ACAP2: variants seen among roughly 807,000 people sequenced by gnomAD.
The protein encoded by ACAP2 is ArfGAP with coiled-coil, ankyrin repeat and PH domains 2.
In ACAP2, 39 loss-of-function variants were observed where a neutral mutation model predicts 115.8. The observed-to-expected ratio is 0.34, with a 90% confidence interval of 0.26 to 0.44. ACAP2 has a LOEUF of 0.44. ACAP2 is among the 20% of genes least tolerant of loss of function. The probability of loss-of-function intolerance (pLI) is 1.00; values close to 1 mark genes in which losing one functional copy is unlikely to be tolerated. For missense variants in ACAP2, 662 were observed against 927.6 expected (o/e 0.71, Z 3.72); for synonymous variants, 289 against 315.8 (o/e 0.92, Z 0.90).
chr3:195,370,193 G>A (rs1428370793), intron 4 of ACAP2, among the ~76,000 whole-genome samples: 1 of 152,160 alleles, frequency 6.6e-6, no homozygotes, highest in Non-Finnish European at 1.5e-5. Flanking sequence ...TTCTCCCACT[G>A]TAGGTTGTCT....
At chr3:195,424,208 T>C (rs1714423087) in intron 1 of ACAP2, among the ~76,000 whole-genome samples, 2 of 143,176 alleles carry the variant, frequency 1.4e-5, no homozygotes, top group Non-Finnish European at 3.0e-5. Flanking sequence ...ATATATAAAA[T>C]ACTTAGAATG....
rs1284808924 is a variant in ACAP2, at chr3:195,363,306, T to C, written c.285+17703A>G. ...AAATGTTGAAGAGGACACAAATTAA[T>C]GGAGAGACATTCTATGTTCATGAAT... is the stretch of plus-strand genomic sequence containing the variant. On this transcript the variant is annotated intron_variant, in intron 4 of 22. Transcript: ENST00000326793. 2.0e-5 allele frequency among the ~76,000 whole-genome samples: 3 copies of C among 152,286 alleles called. No homozygotes were observed. In the East Asian group the frequency reaches 5.8e-4, roughly 29 times the overall value.
intron 4 of ACAP2, among the ~76,000 whole-genome samples, chr3:195,352,761 A>T (rs1731695259): frequency 6.6e-6 from 1 of 152,186 alleles, no homozygotes; most frequent in Non-Finnish European, 1.5e-5. Context: ...TCATGAAGAA[A>T]GTAACAATGT....
chr3:195,382,761 T>C (rs1271439381), intron 2 of ACAP2, among the ~76,000 whole-genome samples: 1 of 151,734 alleles, frequency 6.6e-6, no homozygotes, highest in Non-Finnish European at 1.5e-5. Context: ...CCCTGAGACC[T>C]AGGGGAACAG....
At chr3:195,346,389 C>T (rs943612551) in intron 4 of ACAP2, among the ~76,000 whole-genome samples, 3 of 152,046 alleles carry the variant, frequency 2.0e-5, no homozygotes, top group African/African-American at 4.8e-5. Flanking sequence ...AGAAAGAAGA[C>T]GCAAATTTCA....
Position 195,292,383 on chromosome 3 carries a change from C to T in ACAP2, c.1835G>A (p.Arg612Lys). 6.2e-7 allele frequency: 1 copy of T among 1,613,950 alleles called. No individual in the cohort carries two copies. Among genetic ancestry groups the T allele is most frequent in the South Asian group, 1.1e-5 (1 of 91,044 alleles). Residue 612 changes from arginine (R) to lysine (K), a missense_variant, in exon 19 of 23, where the codon AGG becomes AAG. Physicochemically the swap from Arg to Lys is conservative, Grantham distance 26 (BLOSUM62 2). Around this residue, in one of 3 missense-constraint regions of ACAP2, gnomAD observed 133 missense variants for 123.1 expected, o/e 1.08. Transcript: ENST00000326793. The part of the protein sequence containing the change: ...KHLNPGLQLY[R>K]ASYEKNLPKM... ...AGGAAGGTTTTTTTCATATGACGCC[C>T]TATAAAGCTGAAGTCCTGGATTAAG...
intron 4 of ACAP2, among the ~76,000 whole-genome samples, chr3:195,374,081 C>A (rs1733353090): frequency 6.6e-6 from 1 of 152,070 alleles, no homozygotes; most frequent in Non-Finnish European, 1.5e-5. Flanking sequence ...TGTAAACCTG[C>A]AGAAAGGCTT....
At chr3:195,283,065 T>C (rs1001716663) in intron 22 of ACAP2, among the ~76,000 whole-genome samples, 1 of 152,180 alleles carries the variant, frequency 6.6e-6, no homozygotes, top group African/African-American at 2.4e-5. Flanking sequence ...GATTCCCAAC[T>C]TGTGCTTGCT....
At position 195,278,223 on chromosome 3, in the gene ACAP2, CG is replaced by C. The variant is rs1726260301; in HGVS notation, c.*1104del. On this transcript the variant is annotated 3_prime_UTR_variant, in exon 23 of 23. Transcript: ENST00000326793. ...TTCAGGGGTCTGTGAATCATGTAAC[CG>C]AATACTAAAGCTATATACACGATAT... 1 of 151,760 alleles carries C rather than the reference CG, an allele frequency of 6.6e-6. No homozygotes were observed. The allele number at this position is 151,760 out of a possible 1,614,324, so 9.4% of individuals were successfully genotyped here.
At chr3:195,328,708 T>G (rs921424792) in intron 8 of ACAP2, among the ~76,000 whole-genome samples, 1 of 152,202 alleles carries the variant, frequency 6.6e-6, no homozygotes, top group African/African-American at 2.4e-5. Context: ...AAATTCAAAA[T>G]ATTTACAAAT....
At chr3:195,365,484 T>A (rs977907131) in intron 4 of ACAP2, among the ~76,000 whole-genome samples, 1 of 151,872 alleles carries the variant, frequency 6.6e-6, no homozygotes, top group South Asian at 2.1e-4. Flanking sequence ...ACACCTACCA[T>A]CCTGAGGTGG....
chr3:195,329,317 C>T (rs554243223), intron 8 of ACAP2, among the ~76,000 whole-genome samples: 2 of 152,132 alleles, frequency 1.3e-5, no homozygotes, highest in South Asian at 2.1e-4. Flanking sequence ...AAAAGGGTCC[C>T]GTGTTTGTGT....
intron 1 of ACAP2, among the ~76,000 whole-genome samples, chr3:195,433,185 A>G (rs1715270690): frequency 6.6e-6 from 1 of 152,154 alleles, no homozygotes; most frequent in Non-Finnish European, 1.5e-5. Context: ...ACCTTCATAC[A>G]TCATCTTATA....
At chr3:195,362,701 T>C (rs988279831) in intron 4 of ACAP2, among the ~76,000 whole-genome samples, 2 of 152,118 alleles carry the variant, frequency 1.3e-5, no homozygotes, top group African/African-American at 2.4e-5. Context: ...ATACATAAAA[T>C]TAAAGACAAA....
chr3:195,292,386 T>G lies in ACAP2; in HGVS notation c.1832A>C (p.Tyr611Ser). 6.2e-7 allele frequency: 1 copy of G among 1,613,964 alleles called. No individual in the cohort carries two copies. The highest frequency in any genetic ancestry group is 8.5e-7 in the Non-Finnish European group (1 of 1,179,992). Residue 611 changes from tyrosine to serine, a missense_variant, in exon 19 of 23, where the codon TAT becomes TCT. Tyr to Ser is a moderately radical substitution (Grantham distance 144). Transcript: ENST00000326793. Reference sequence around the variant, plus strand: ...AAGGTTTTTTTCATATGACGCCCTATAAAGCTGAAGTCCTGGATTAAGATG... The same window carrying G: ...AAGGTTTTTTTCATATGACGCCCTAGAAAGCTGAAGTCCTGGATTAAGATG... The part of the protein sequence containing the change: ...SKHLNPGLQL[Y>S]RASYEKNLPK...
intron 4 of ACAP2, among the ~76,000 whole-genome samples, chr3:195,366,360 A>T (rs1157399031): frequency 1.3e-5 from 2 of 152,208 alleles, no homozygotes; most frequent in African/African-American, 2.4e-5. Flanking sequence ...TGCTCTACCC[A>T]GTGGTTCTCA....
At position 195,399,455 on chromosome 3, in the gene ACAP2, A is replaced by C. The variant is rs557843525; in HGVS notation, c.54-7308T>G. Reference sequence around the variant, plus strand: ...CATCCCAGCCTCCCAAAGTACTAGGATTACAGGCGTGAGCCATAACACTTG... The same window carrying C: ...CATCCCAGCCTCCCAAAGTACTAGGCTTACAGGCGTGAGCCATAACACTTG... On this transcript the variant is annotated intron_variant, in intron 1 of 22. Transcript: ENST00000326793. Among the ~76,000 whole-genome samples, 5 of 152,240 alleles carry C rather than the reference A, an allele frequency of 3.3e-5. No homozygotes were observed. The East Asian group carries it at 9.6e-4, about 29-fold the overall frequency.
intron 4 of ACAP2, among the ~76,000 whole-genome samples, chr3:195,372,336 T>C (rs1733207844): frequency 1.3e-5 from 2 of 152,114 alleles, no homozygotes; most frequent in Non-Finnish European, 2.9e-5. Context: ...TGCTACTCTA[T>C]CAAAACTTTT....
intron 4 of ACAP2, among the ~76,000 whole-genome samples, chr3:195,363,881 C>T (rs1732537743): frequency 6.6e-6 from 1 of 152,150 alleles, no homozygotes; most frequent in South Asian, 2.1e-4. Flanking sequence ...GCAGTCTGTT[C>T]AGTAAATAAA....
Sources: gnomAD v4.1 joint callset for allele counts (sites outside exome capture counted in the v4.1 genomes callset) on GRCh38, gnomAD v4.1.1 for gene constraint, gnomAD v4.1.1 regional missense constraint, MANE v1.5 for transcripts, NCBI Gene and HGNC (gene_info 2026-07-23, HGNC 2026-07-21) for gene names.